The following ENTREP2 variants were observed in gnomAD, a reference collection of about 807,000 sequenced individuals.
ENTREP2 encodes protein ENTREP2.
the ENTREP2 span, among the ~76,000 whole-genome samples, chr15:29,669,380 A>T: frequency 5.9e-5 from 9 of 152,126 alleles, no homozygotes; most frequent in Non-Finnish European, 1.3e-4. Context: ...ATGGGCCAGC[A>T]TGTTCAGCCC....
At chr15:29,571,001 C>T in the ENTREP2 span, among the ~76,000 whole-genome samples, 1 of 145,686 alleles carries the variant, frequency 6.9e-6, no homozygotes, top group African/African-American at 2.5e-5. Context: ...CCCGCGCGCT[C>T]CCCGGCCCGA....
At chr15:29,156,477 G>A in the ENTREP2 span, among the ~76,000 whole-genome samples, 8 of 151,266 alleles carry the variant, frequency 5.3e-5, no homozygotes, top group Non-Finnish European at 1.2e-4. Context: ...TGCAAGCCAC[G>A]GTGCCTAGCC....
chr15:29,570,936 C>G, the ENTREP2 span, among the ~76,000 whole-genome samples: 5 of 145,042 alleles, frequency 3.4e-5, no homozygotes, highest in Admixed American at 2.0e-4. Flanking sequence ...CCCATGCCGC[C>G]GCCGCCGCGC....
chr15:29,613,237 C>G, the ENTREP2 span: 1 of 165,142 alleles, frequency 6.1e-6, no homozygotes, highest in Non-Finnish European at 1.3e-5. Flanking sequence ...CTGAAAAACC[C>G]AGTGTCATAG....
At chr15:29,334,518 T>A in the ENTREP2 span, among the ~76,000 whole-genome samples, 1 of 152,260 alleles carries the variant, frequency 6.6e-6, no homozygotes, top group Non-Finnish European at 1.5e-5. Context: ...TGAAAGTCTC[T>A]GCTATTAGGT....
At chr15:29,544,787 G>A in the ENTREP2 span, among the ~76,000 whole-genome samples, 2 of 152,148 alleles carry the variant, frequency 1.3e-5, no homozygotes, top group Non-Finnish European at 2.9e-5. Flanking sequence ...CAGTTCCGAT[G>A]TTCAGGTGCC....
the ENTREP2 span, among the ~76,000 whole-genome samples, chr15:29,431,313 A>G: frequency 1.3e-5 from 2 of 152,118 alleles, no homozygotes; most frequent in African/African-American, 4.8e-5. Flanking sequence ...AGAATCCTAT[A>G]TAACTTATGG....
the ENTREP2 span, among the ~76,000 whole-genome samples, chr15:29,334,029 C>T: frequency 6.6e-6 from 1 of 152,134 alleles, no homozygotes; most frequent in Non-Finnish European, 1.5e-5. Context: ...CCCTCAGGGC[C>T]TCGAGAAGAA....
chr15:29,423,762 C>T, the ENTREP2 span, among the ~76,000 whole-genome samples: 2 of 152,222 alleles, frequency 1.3e-5, no homozygotes, highest in African/African-American at 4.8e-5. Flanking sequence ...CGCGCCACTG[C>T]ACTCCAACCT....
At chr15:29,124,760 G>A in the ENTREP2 span, 33 of 1,550,186 alleles carry the variant, frequency 2.1e-5, no homozygotes, top group Admixed American at 3.9e-5. Flanking sequence ...AAGAGGCATC[G>A]CCTTAACCAG....
At chr15:29,597,888 G>T in the ENTREP2 span, among the ~76,000 whole-genome samples, 1 of 152,068 alleles carries the variant, frequency 6.6e-6, no homozygotes, top group Non-Finnish European at 1.5e-5. Context: ...TTGGGAGGCC[G>T]AGGAGTGTGG....
chr15:29,303,780 A>AT, the ENTREP2 span, among the ~76,000 whole-genome samples: 5 of 152,176 alleles, frequency 3.3e-5, no homozygotes, highest in Admixed American at 3.3e-4. Flanking sequence ...TTTGCTTAGG[A>AT]TAATGGCCTC....
chr15:29,384,012 T>C, the ENTREP2 span, among the ~76,000 whole-genome samples: 1 of 152,124 alleles, frequency 6.6e-6, no homozygotes, highest in Non-Finnish European at 1.5e-5. Flanking sequence ...GACCAATGTC[T>C]CTCGTGTCTC....
the ENTREP2 span, among the ~76,000 whole-genome samples, chr15:29,401,726 GA>G: frequency 5.9e-5 from 9 of 152,302 alleles, no homozygotes; most frequent in African/African-American, 2.2e-4. Context: ...ACAAAAACCT[GA>G]ACCAGTGAGT....
the ENTREP2 span, among the ~76,000 whole-genome samples, chr15:29,229,231 T>C: frequency 3.3e-5 from 5 of 152,148 alleles, no homozygotes; most frequent in African/African-American, 9.7e-5. Context: ...AGGAAACTTA[T>C]TAAATGTACT....
the ENTREP2 span, among the ~76,000 whole-genome samples, chr15:29,463,134 C>T: frequency 4.6e-5 from 7 of 152,218 alleles, no homozygotes; most frequent in Admixed American, 3.9e-4. Flanking sequence ...GAGGCTCAGG[C>T]TGATTCCCCT....
At chr15:29,206,466 A>G in the ENTREP2 span, among the ~76,000 whole-genome samples, 1 of 152,064 alleles carries the variant, frequency 6.6e-6, no homozygotes, top group Non-Finnish European at 1.5e-5. Context: ...CACTGGTAAG[A>G]CCCCAAAAAC....
At chr15:29,505,752 G>A in the ENTREP2 span, among the ~76,000 whole-genome samples, 441 of 152,256 alleles carry the variant, frequency 2.9e-3, 3 homozygotes, top group African/African-American at 0.01. This position sits in a 1 kb window ranked among gnomAD's most constrained non-coding sequence, Gnocchi z 4.3. Flanking sequence ...AACACCATCC[G>A]AGGGTCACCA....
the ENTREP2 span, among the ~76,000 whole-genome samples, chr15:29,447,078 G>T: frequency 6.6e-6 from 1 of 152,138 alleles, no homozygotes; most frequent in Non-Finnish European, 1.5e-5. Flanking sequence ...TCTTTGTGGA[G>T]GGGGGTCACT....
Sources: gnomAD v4.1 joint callset for allele counts (sites outside exome capture counted in the v4.1 genomes callset) on GRCh38, gnomAD v4.1.1 for gene constraint, Gnocchi (gnomAD v3.1) non-coding constraint, MANE v1.5 for transcripts, NCBI Gene and HGNC (gene_info 2026-07-23, HGNC 2026-07-21) for gene names.